Variants in MS4A5 observed in about 807,000 individuals in gnomAD.
MS4A5 encodes membrane-spanning 4-domains subfamily A member 5.
A neutral mutation model predicts 18.2 loss-of-function variants in MS4A5; 15 were observed. The ratio of observed to expected loss-of-function variants is 0.83; its 90% CI spans 0.55 to 1.27. MS4A5 has a LOEUF of 1.27. MS4A5 is among the 50% of genes most tolerant of loss of function. The pLI is 0.00. For missense variants in MS4A5, 232 were observed against 225.7 expected (o/e 1.03, Z -0.18); for synonymous variants, 89 against 78.7 (o/e 1.13, Z -0.69).
At chr11:60,446,819 A>G (rs909418382) in intron 4 of MS4A5, among the ~76,000 whole-genome samples, 3 of 150,338 alleles carry the variant, frequency 2.0e-5, no homozygotes, top group African/African-American at 7.3e-5. Context: ...TTTCTCTTTT[A>G]CTAAGCCAAT....
At chr11:60,435,644 C>T (rs915887209) in intron 4 of MS4A5, 2 of 235,450 alleles carry the variant, frequency 8.5e-6, no homozygotes, top group Non-Finnish European at 1.7e-5. Flanking sequence ...AGGGAGTTCC[C>T]TTTCTGAGTC....
chr11:60,441,436 A>AT (rs1482831157), intron 4 of MS4A5, among the ~76,000 whole-genome samples: 3 of 134,182 alleles, frequency 2.2e-5, no homozygotes, highest in Non-Finnish European at 4.8e-5. Flanking sequence ...AATAAAAAAA[A>AT]AGAAAAAGAA....
rs1235361992 is a variant in MS4A5 at position 60,440,612 on chromosome 11, T to C, written c.492+6695T>C. Among the ~76,000 whole-genome samples the C allele has an allele frequency of 7.3e-5, 11 of 150,052 alleles. No homozygotes were observed. In the South Asian group the frequency reaches 1.5e-3, roughly 20 times the overall value. On this transcript the variant is annotated intron_variant, in intron 4 of 4. Coordinates refer to ENST00000300190, the MANE Select transcript of MS4A5 (RefSeq NM_023945.3). The stretch of plus-strand genomic sequence containing the variant: ...ACAAACAACCCCATCAAAAAGTGGG[T>C]GAAGGACATGAACAGACACTTCTTA...
chr11:60,444,552 TA>T (rs2086129710), intron 4 of MS4A5, among the ~76,000 whole-genome samples: 2 of 152,146 alleles, frequency 1.3e-5, no homozygotes, highest in African/African-American at 4.8e-5. Flanking sequence ...ATCCAGAATA[TA>T]TTAAGCACTC....
chr11:60,435,334 A>C lies in MS4A5; in HGVS notation c.492+1417A>C, dbSNP rs1449972716. On this transcript the variant is annotated intron_variant, in intron 4 of 4. Transcript: ENST00000300190. Reference sequence around the variant, plus strand: ...TAGAAACAGAACATAGCAAAAAAAAAATCACCTGTAAATTTCTGATACTAA... The same window carrying C: ...TAGAAACAGAACATAGCAAAAAAAACATCACCTGTAAATTTCTGATACTAA... 6.3e-5 allele frequency: 28 copies of C among 442,786 alleles called. No homozygotes were observed. The Admixed American group carries it at 7.1e-4, about 11-fold the overall frequency. 27.4% of individuals were successfully genotyped at this position (442,786 alleles called of 1,614,324 possible).
At chr11:60,444,532 A>G (rs2086129612) in intron 4 of MS4A5, among the ~76,000 whole-genome samples, 2 of 152,196 alleles carry the variant, frequency 1.3e-5, no homozygotes. Flanking sequence ...CTCTCTCACA[A>G]AAGACCCACA....
rs940839136 is a variant in MS4A5 at position 60,431,045 on chromosome 11, C to T, written c.282+121C>T. The T allele has an allele frequency of 1.1e-5, 12 of 1,067,944 alleles. No homozygotes were observed. The East Asian group carries it at 2.8e-4, about 25-fold the overall frequency. 66.2% of individuals were successfully genotyped at this position (1,067,944 alleles called of 1,614,324 possible). ...TGCTTTCAAAAGTGCAAAAAACTAA[C>T]CTTGTTGAAATTATTTCCCCATTAG... is the stretch of plus-strand genomic sequence containing the variant. On this transcript the variant is annotated intron_variant, in intron 2 of 4. Coordinates refer to ENST00000300190, the MANE Select transcript of MS4A5 (RefSeq NM_023945.3).
intron 4 of MS4A5, chr11:60,435,482 C>A (rs1177960505): frequency 2.4e-6 from 1 of 409,582 alleles, no homozygotes; most frequent in Non-Finnish European, 4.7e-6. Flanking sequence ...GTGAGAGACG[C>A]AGAAGACGGG....
chr11:60,440,283 G>A (rs891799090), intron 4 of MS4A5, among the ~76,000 whole-genome samples: 3 of 112,372 alleles, frequency 2.7e-5, no homozygotes, highest in Middle Eastern at 3.8e-3. Context: ...ATTCAAGATG[G>A]ATTAAAGACT....
Position 60,447,693 on chromosome 11 carries a change from C to A in MS4A5, c.537C>A (p.Phe179Leu). 1 of 1,596,278 alleles carries A rather than the reference C, an allele frequency of 6.3e-7. No individual in the cohort carries two copies. Among genetic ancestry groups the A allele is most frequent in the Non-Finnish European group, 8.5e-7 (1 of 1,175,568 alleles). The change falls in exon 5 of 5, where the codon TTC becomes TTA. Residue 179 changes from phenylalanine (F) to leucine (L), a missense_variant. By Grantham distance (22) the Phe-to-Leu change is conservative. Transcript: ENST00000300190. ...TLMTFSIIELFISLPFSILGC... is the reference protein window; with the variant it reads ...TLMTFSIIELLISLPFSILGC... The stretch of plus-strand genomic sequence containing the variant: ...TGACTTTCAGCATTATTGAATTATT[C>A]ATTTCTCTGCCTTTCTCAATTTTGG...
Position 60,433,182 on chromosome 11 carries a change from C to T in MS4A5, c.340-583C>T, listed in dbSNP as rs188124937. Among the ~76,000 whole-genome samples the T allele has an allele frequency of 1.3e-3, 202 of 152,128 alleles. 1 individual carries two copies. Among genetic ancestry groups the T allele is most frequent in the African/African-American group, 4.6e-3 (190 of 41,484 alleles). Reference sequence around the variant, plus strand: ...TTGACAGGCACTACTTTGACTCATACGAAAGGCAAACTGTAGACAATCTAA... The same window carrying T: ...TTGACAGGCACTACTTTGACTCATATGAAAGGCAAACTGTAGACAATCTAA... On this transcript the variant is annotated intron_variant, in intron 3 of 4. Transcript: ENST00000300190.
At chr11:60,431,131 T>C (rs886300386) in intron 2 of MS4A5, among the ~76,000 whole-genome samples, 1 of 152,276 alleles carries the variant, frequency 6.6e-6, no homozygotes, top group African/African-American at 2.4e-5. Context: ...AATACTTCTT[T>C]TGAGGCTTGC....
intron 4 of MS4A5, among the ~76,000 whole-genome samples, chr11:60,438,186 T>C (rs200383104): frequency 0.27 from 40,303 of 151,204 alleles, 5,824 homozygotes; most frequent in Admixed American, 0.39. Context: ...GGGTACATAA[T>C]GAAATGAAGG....
At chr11:60,435,407 A>T in intron 4 of MS4A5, 1 of 448,344 alleles carries the variant, frequency 2.2e-6, no homozygotes, top group South Asian at 1.6e-5. Context: ...ATGTTTTAAG[A>T]AATAAATGAG....
intron 4 of MS4A5, among the ~76,000 whole-genome samples, chr11:60,441,298 G>A (rs2086110318): frequency 8.2e-6 from 1 of 122,668 alleles, no homozygotes; most frequent in South Asian, 2.6e-4. Flanking sequence ...GAGGGGGGGA[G>A]GGATAGCATC....
intron 4 of MS4A5, among the ~76,000 whole-genome samples, chr11:60,441,752 T>A (rs1021671965): frequency 6.6e-6 from 1 of 151,814 alleles, no homozygotes; most frequent in African/African-American, 2.4e-5. Flanking sequence ...TTAAAAAATT[T>A]AAAATTTTAA....
Position 60,439,106 on chromosome 11 carries a change from A to C in MS4A5, c.492+5189A>C, listed in dbSNP as rs1394933983. On this transcript the variant is annotated intron_variant, in intron 4 of 4. Coordinates refer to ENST00000300190, the MANE Select transcript of MS4A5 (RefSeq NM_023945.3). Reference sequence around the variant, plus strand: ...CAAGTGGGCTTCATCCCTGGGATGCAAGGCTGGTTCAATATATACAAATCA... The same window carrying C: ...CAAGTGGGCTTCATCCCTGGGATGCCAGGCTGGTTCAATATATACAAATCA... Among the ~76,000 whole-genome samples the C allele has an allele frequency of 9.3e-3, 1,048 of 112,850 alleles. 3 individuals carry two copies. Among genetic ancestry groups the C allele is most frequent in the Middle Eastern group, 0.03 (7 of 230 alleles). The allele number at this position is 112,850 out of a possible 152,430, so 74.0% of individuals were successfully genotyped here.
At chr11:60,445,572 T>C (rs1322326959) in intron 4 of MS4A5, among the ~76,000 whole-genome samples, 2 of 152,206 alleles carry the variant, frequency 1.3e-5, no homozygotes, top group African/African-American at 4.8e-5. Flanking sequence ...AATACACTTC[T>C]TTATATATAA....
chr11:60,430,007 C>T lies in MS4A5; in HGVS notation c.153+180C>T, dbSNP rs372189595. 2.1e-4 allele frequency among the ~76,000 whole-genome samples: 32 copies of T among 152,180 alleles called. No individual in the cohort carries two copies. In the South Asian group the frequency reaches 6.2e-3, roughly 30 times the overall value. On this transcript the variant is annotated intron_variant, in intron 1 of 4. Transcript: ENST00000300190. ...TTTGAGAAGAACGAATCATGTGGGTCTGGACTTGACAAAAAATGCTATCAT... is the reference window on the plus strand; with the variant it reads ...TTTGAGAAGAACGAATCATGTGGGTTTGGACTTGACAAAAAATGCTATCAT...
Sources: gnomAD v4.1 joint callset for allele counts (sites outside exome capture counted in the v4.1 genomes callset) on GRCh38, gnomAD v4.1.1 for gene constraint, MANE v1.5 for transcripts, NCBI Gene and HGNC (gene_info 2026-07-23, HGNC 2026-07-21) for gene names.